Variants in PDE8B observed in about 807,000 individuals in gnomAD.
The protein encoded by PDE8B is phosphodiesterase 8B, also known as high affinity cAMP-specific and IBMX-insensitive 3',5'-cyclic phosphodiesterase 8B.
In PDE8B, 26 loss-of-function variants were observed where a neutral mutation model predicts 101.3. The ratio of observed to expected loss-of-function variants is 0.26; its 90% CI spans 0.19 to 0.36. The LOEUF (loss-of-function observed/expected upper bound fraction) is 0.36, where lower values mean the gene tolerates loss of function less well. Among genes scored for constraint, PDE8B ranks in the 10% least tolerant of loss-of-function variants. PDE8B has a pLI of 1.00. For synonymous variants in PDE8B, 424 were observed against 429.3 expected (o/e 0.99, Z 0.15); for missense variants, 810 against 1,163.1 (o/e 0.70, Z 4.42).
intron 10 of PDE8B, among the ~76,000 whole-genome samples, chr5:77,377,275 CA>C (rs2150743026): frequency 1.3e-5 from 2 of 152,278 alleles, no homozygotes; most frequent in South Asian, 4.2e-4. Flanking sequence ...AAAGAGAAGG[CA>C]AAGAGAACCA....
Position 77,211,161 on chromosome 5 carries a change from G to T in PDE8B, c.236G>T (p.Ser79Ile). 4 of 1,532,110 alleles carry T rather than the reference G, an allele frequency of 2.6e-6. No individual in the cohort carries two copies. The highest frequency in any genetic ancestry group is 3.5e-6 in the Non-Finnish European group (4 of 1,145,980). 94.9% of individuals were successfully genotyped at this position (1,532,110 alleles called of 1,614,324 possible). ...CGCACCGAGCTGGGCAGCGGTAGCA[G>T]CGCGGGTTCCGCAGCCCCCGCCGCG... ...RARTELGSGS[S>I]AGSAAPAATT... Residue 79 changes from serine to isoleucine, a missense_variant, in exon 1 of 22, where the codon AGC (serine) becomes ATC (isoleucine). Ser to Ile is a moderately radical substitution (Grantham distance 142). Transcript: ENST00000264917. This position sits in a 1 kb window ranked among gnomAD's most constrained non-coding sequence, Gnocchi z 4.1.
At chr5:77,206,675 T>A (rs963495708), upstream of PDE8B, among the ~76,000 whole-genome samples, 1 of 152,014 alleles carries the variant, frequency 6.6e-6, no homozygotes, top group Non-Finnish European at 1.5e-5. Context: ...GAGGCACTTA[T>A]AAGGACTTAA....
chr5:77,349,594 T>G, intron 8 of PDE8B, 35 bp downstream of exon 8: 2 of 1,612,562 alleles, frequency 1.2e-6, no homozygotes, highest in Non-Finnish European at 1.7e-6. Context: ...CCACGAACCC[T>G]CTCCCCAATG....
rs900637640 is a variant in PDE8B at position 77,259,074 on chromosome 5, GC to G, written c.339+47820del. On this transcript the variant is annotated intron_variant, in intron 1 of 21. Transcript: ENST00000264917. The stretch of plus-strand genomic sequence containing the variant: ...GACACACACACACACACACACCCCC[GC>G]CCCCCCCCCACACACACACACGAAT... Among the ~76,000 whole-genome samples the G allele has an allele frequency of 1.9e-3, 43 of 23,090 alleles. 5 individuals are homozygous for G. Among genetic ancestry groups the G allele is most frequent in the Middle Eastern group, 0.038 (1 of 26 alleles). 15.1% of individuals were successfully genotyped at this position (23,090 alleles called of 152,430 possible).
Position 77,400,286 on chromosome 5 carries a change from G to A in PDE8B, c.1206G>A (p.Gln402=). The A allele has an allele frequency of 1.3e-6, 2 of 1,581,910 alleles. No homozygotes were observed. Among genetic ancestry groups the A allele is most frequent in the Non-Finnish European group, 8.7e-7 (1 of 1,150,642 alleles). The change falls in exon 11 of 22, where the codon CAG becomes CAA. Residue 402 remains glutamine (Q), a synonymous_variant. Coordinates refer to ENST00000264917, the MANE Select transcript of PDE8B (RefSeq NM_003719.5). ...KIHRDSGDNS[Q]TEPHSFRYKN... is the part of the protein sequence containing the mutation. ...ATCGTGATTCAGGAGACAATTCTCA[G>A]ACAGGTGAGAATACTTCAATTGAAC...
intron 6 of PDE8B, among the ~76,000 whole-genome samples, chr5:77,344,167 T>A (rs1779736601): frequency 6.6e-6 from 1 of 152,238 alleles, no homozygotes; most frequent in Non-Finnish European, 1.5e-5. Context: ...GTATAGCAAA[T>A]ACATAAACCA....
At chr5:77,258,326 C>G (rs946547822) in intron 1 of PDE8B, among the ~76,000 whole-genome samples, 1 of 149,546 alleles carries the variant, frequency 6.7e-6, no homozygotes, top group Non-Finnish European at 1.5e-5. Context: ...CCAGAGCAGA[C>G]CAGTGTGTTT....
chr5:77,392,026 G>A (rs1441119510), intron 10 of PDE8B, among the ~76,000 whole-genome samples: 1 of 152,132 alleles, frequency 6.6e-6, no homozygotes, highest in East Asian at 1.9e-4. Flanking sequence ...TGAAACATGG[G>A]AAATAAAAAT....
At chr5:77,366,463 G>A (rs1784165531) in intron 10 of PDE8B, among the ~76,000 whole-genome samples, 1 of 152,206 alleles carries the variant, frequency 6.6e-6, no homozygotes. Context: ...CGGTTGTTGA[G>A]TAGGCCCTGG....
chr5:77,307,834 G>A (rs1771610632), intron 1 of PDE8B, among the ~76,000 whole-genome samples: 1 of 152,132 alleles, frequency 6.6e-6, no homozygotes, highest in African/African-American at 2.4e-5. Context: ...CTCTTCTCAG[G>A]TGTTGGAATT....
chr5:77,409,182 C>T (rs899504576), intron 14 of PDE8B, 125 bp downstream of exon 14: 7 of 767,342 alleles, frequency 9.1e-6, no homozygotes, highest in Non-Finnish European at 1.4e-5. Context: ...TTAGCATAAC[C>T]AGAAGCAACT....
At chr5:77,290,659 G>T in intron 1 of PDE8B, 1 of 1,507,682 alleles carries the variant, frequency 6.6e-7, no homozygotes, top group Non-Finnish European at 9.2e-7. Context: ...TATGCTGTTG[G>T]TTTATCAAGG....
the PDE8B span, among the ~76,000 whole-genome samples, chr5:77,126,284 C>CA: frequency 0.064 from 8,286 of 130,386 alleles, 300 homozygotes; most frequent in East Asian, 0.19. Flanking sequence ...GGCTCTTTCT[C>CA]AAAAAAAAAA....
rs753509997 is a variant in PDE8B, at chr5:77,337,228, G to A, written c.710G>A (p.Arg237Lys). ...LPLLHAGFNRRFMENSSIIAC... is the reference protein window; with the variant it reads ...LPLLHAGFNRKFMENSSIIAC... ...GTATTGTCTTTGCTTTCTTTTCAGA[G>A]ATTTATGGAGAATAGCAGCATAATT... is the stretch of plus-strand genomic sequence containing the variant. The change falls in exon 6 of 22, where the codon AGA becomes AAA. Residue 237 changes from arginine to lysine, a missense_variant and splice_region_variant. This residue lies in a region of PDE8B where 251 missense variants were observed against 378.8 expected (regional missense o/e 0.66). Coordinates refer to ENST00000264917, the MANE Select transcript of PDE8B (RefSeq NM_003719.5). 1.6e-5 allele frequency: 25 copies of A among 1,540,232 alleles called. No homozygotes were observed. The highest frequency in any genetic ancestry group is 2.0e-5 in the Non-Finnish European group (22 of 1,116,012).
chr5:77,175,818 G>A, the PDE8B span, among the ~76,000 whole-genome samples: 2 of 151,978 alleles, frequency 1.3e-5, no homozygotes, highest in Admixed American at 6.6e-5. Flanking sequence ...CCTCACCACC[G>A]ATTTATATAT....
chr5:77,185,210 C>T, the PDE8B span, among the ~76,000 whole-genome samples: 21 of 152,334 alleles, frequency 1.4e-4, no homozygotes, highest in African/African-American at 5.1e-4. Context: ...ACATAGCACT[C>T]TGTATTAGTT....
At chr5:77,366,394 AG>A (rs1463551243) in intron 10 of PDE8B, among the ~76,000 whole-genome samples, 1 of 152,138 alleles carries the variant, frequency 6.6e-6, no homozygotes, top group Non-Finnish European at 1.5e-5. Context: ...TAAGCAGTTG[AG>A]GGGTAAGATC....
At chr5:77,282,032 C>A (rs971941702) in intron 1 of PDE8B, among the ~76,000 whole-genome samples, 1 of 152,098 alleles carries the variant, frequency 6.6e-6, no homozygotes, top group Non-Finnish European at 1.5e-5. Flanking sequence ...ATTTAACAGT[C>A]ACGTCAACCC....
At chr5:77,382,421 C>T (rs780507600) in intron 10 of PDE8B, among the ~76,000 whole-genome samples, 3 of 152,074 alleles carry the variant, frequency 2.0e-5, no homozygotes, top group African/African-American at 7.2e-5. Context: ...CATAGCCTTC[C>T]GTGAGGTTTT....
Sources: gnomAD v4.1 joint callset for allele counts (sites outside exome capture counted in the v4.1 genomes callset) on GRCh38, gnomAD v4.1.1 for gene constraint, gnomAD v4.1.1 regional missense constraint, Gnocchi (gnomAD v3.1) non-coding constraint, MANE v1.5 for transcripts, NCBI Gene and HGNC (gene_info 2026-07-23, HGNC 2026-07-21) for gene names.